The following LTBP1 variants were observed in gnomAD, a reference collection of about 807,000 sequenced individuals.
The protein encoded by LTBP1 is latent-transforming growth factor beta-binding protein 1.
Under a neutral mutation model 207.6 loss-of-function variants are expected in LTBP1, and 129 were observed. The observed-to-expected ratio is 0.62, with a 90% confidence interval of 0.54 to 0.72. The LOEUF is 0.72. LTBP1 is among the 30% of genes least tolerant of loss of function. LTBP1 has a pLI of 0.00. For missense variants in LTBP1, 2,281 were observed against 2,217.2 expected (o/e 1.03, Z -0.58); for synonymous variants, 963 against 833.7 (o/e 1.16, Z -2.67).
At chr2:33,218,583 G>T (rs374138454) in intron 8 of LTBP1, among the ~76,000 whole-genome samples, 1 of 152,142 alleles carries the variant, frequency 6.6e-6, no homozygotes, top group Non-Finnish European at 1.5e-5. Context: ...TTTCAGTAGA[G>T]ATGGGGTTTC....
At chr2:32,977,625 T>C (rs1410336479) in intron 2 of LTBP1, among the ~76,000 whole-genome samples, 1 of 152,152 alleles carries the variant, frequency 6.6e-6, no homozygotes, top group African/African-American at 2.4e-5. Flanking sequence ...AGAAGCATGG[T>C]TGGGTGTGCA....
chr2:33,363,734 TAATATTCACTGTGG>T (rs2094952622), intron 29 of LTBP1, among the ~76,000 whole-genome samples: 1 of 152,182 alleles, frequency 6.6e-6, no homozygotes, highest in Admixed American at 6.5e-5. Flanking sequence ...AACAAAGAGT[TAATATTCACTGTGG>T]AATTATGATT....
At chr2:33,298,754 A>G (rs1423053782) in intron 20 of LTBP1, among the ~76,000 whole-genome samples, 2 of 152,246 alleles carry the variant, frequency 1.3e-5, no homozygotes, top group Non-Finnish European at 2.9e-5. Flanking sequence ...GACCAAGAAC[A>G]CAATTGGTAA....
At chr2:33,038,207 A>G (rs1013176556) in intron 3 of LTBP1, among the ~76,000 whole-genome samples, 5 of 152,214 alleles carry the variant, frequency 3.3e-5, no homozygotes, top group Non-Finnish European at 7.3e-5. Flanking sequence ...GTGGGTTAGG[A>G]ATTCTCACCT....
At chr2:33,212,014 C>T (rs1449595188) in intron 7 of LTBP1, among the ~76,000 whole-genome samples, 1 of 152,126 alleles carries the variant, frequency 6.6e-6, no homozygotes, top group Non-Finnish European at 1.5e-5. Flanking sequence ...CATACATTAC[C>T]CTGCAATCTG....
At chr2:33,172,629 G>A (rs2085574968) in intron 5 of LTBP1, among the ~76,000 whole-genome samples, 1 of 152,156 alleles carries the variant, frequency 6.6e-6, no homozygotes. Flanking sequence ...CCCAGGAATT[G>A]AACTCAGCTC....
chr2:33,064,601 G>C (rs2077417877), intron 3 of LTBP1, among the ~76,000 whole-genome samples: 1 of 152,136 alleles, frequency 6.6e-6, no homozygotes, highest in African/African-American at 2.4e-5. Flanking sequence ...CTTTAAAAGG[G>C]GCTGCTAGCC....
intron 20 of LTBP1, 86 bp from the exon 21 acceptor site, chr2:33,300,365 C>A: frequency 7.3e-7 from 1 of 1,366,776 alleles, no homozygotes; most frequent in Non-Finnish European, 1.0e-6. Context: ...ATTTTTGTTA[C>A]ACTAATCCCA....
intron 25 of LTBP1, among the ~76,000 whole-genome samples, chr2:33,344,379 G>A (rs1262845086): frequency 2.0e-5 from 3 of 152,130 alleles, no homozygotes; most frequent in African/African-American, 4.8e-5. Context: ...TTGTGATGTG[G>A]CCCCTACTTT....
At chr2:33,057,909 ACGG>A (rs959742351) in intron 3 of LTBP1, among the ~76,000 whole-genome samples, 5 of 152,238 alleles carry the variant, frequency 3.3e-5, no homozygotes, top group Non-Finnish European at 7.3e-5. Context: ...CTCCTCAAGC[ACGG>A]CCAGAATGGG....
chr2:33,181,828 G>A (rs1171583321), intron 5 of LTBP1, among the ~76,000 whole-genome samples: 3 of 152,130 alleles, frequency 2.0e-5, no homozygotes, highest in African/African-American at 7.2e-5. Flanking sequence ...TATAGAACTT[G>A]GGAAGCACAG....
intron 19 of LTBP1, chr2:33,291,703 A>G (rs908336804): frequency 6.6e-6 from 1 of 152,236 alleles, no homozygotes; most frequent in African/African-American, 2.4e-5. Flanking sequence ...GGCTCTTCTC[A>G]GTATGTGCAG....
At chr2:33,075,392 A>G (rs1014095138) in intron 3 of LTBP1, among the ~76,000 whole-genome samples, 1 of 152,228 alleles carries the variant, frequency 6.6e-6, no homozygotes, top group Non-Finnish European at 1.5e-5. Context: ...ATTTTGATTT[A>G]TTACTAACTT....
At position 33,398,589 on chromosome 2, in the gene LTBP1, A is replaced by T. The variant is rs1397336006; in HGVS notation, c.*44A>T. 6.5e-7 allele frequency: 1 copy of T among 1,532,508 alleles called. No individual in the cohort carries two copies. 94.9% of individuals were successfully genotyped at this position (1,532,508 alleles called of 1,614,324 possible). A position where few individuals can be genotyped will look rare whatever the true frequency, so the allele number is the denominator to read the frequency against. On this transcript the variant is annotated 3_prime_UTR_variant, in exon 34 of 34. Transcript: ENST00000404816. Reference sequence around the variant, plus strand: ...TAAGCCCATATACTCTGCACTGTGTAAAGGAAAAGGGAGAAATGTATTATA... The same window carrying T: ...TAAGCCCATATACTCTGCACTGTGTTAAGGAAAAGGGAGAAATGTATTATA...
chr2:33,321,625 A>G (rs1205367042), intron 24 of LTBP1, among the ~76,000 whole-genome samples: 3 of 152,194 alleles, frequency 2.0e-5, no homozygotes, highest in Non-Finnish European at 2.9e-5. Context: ...ATAGAACTTT[A>G]TATCTGTCAC....
At position 32,965,973 on chromosome 2, in the gene LTBP1, C is replaced by T. The variant is rs992115951; in HGVS notation, c.565+17028C>T. Among the ~76,000 whole-genome samples, 24 of 152,174 alleles carry T rather than the reference C, an allele frequency of 1.6e-4. 1 individual carries two copies. The highest frequency in any genetic ancestry group is 1.5e-3 in the Admixed American group (23 of 15,278). On this transcript the variant is annotated intron_variant, in intron 2 of 33. Coordinates refer to ENST00000404816, the MANE Select transcript of LTBP1 (RefSeq NM_206943.4). ...GCAACAAATGAGAGTTCCTATTGTT[C>T]CACTTCCTCATCAGCATTTATTGTT...
intron 3 of LTBP1, among the ~76,000 whole-genome samples, chr2:33,104,947 C>T (rs2079972380): frequency 6.6e-6 from 1 of 152,324 alleles, no homozygotes; most frequent in East Asian, 1.9e-4. Context: ...GGCTTGAAAC[C>T]TTCAAGTTGC....
intron 25 of LTBP1, among the ~76,000 whole-genome samples, chr2:33,346,118 C>A (rs957725048): frequency 3.3e-5 from 5 of 152,108 alleles, no homozygotes; most frequent in Non-Finnish European, 5.9e-5. Context: ...AGTGGAACAT[C>A]AACAGAATTT....
chr2:33,129,476 T>C (rs1315241518), intron 4 of LTBP1, among the ~76,000 whole-genome samples: 2 of 152,242 alleles, frequency 1.3e-5, no homozygotes, highest in African/African-American at 2.4e-5. Context: ...ACAGATTTTA[T>C]CTATAAAGTT....
Sources: gnomAD v4.1 joint callset for allele counts (sites outside exome capture counted in the v4.1 genomes callset) on GRCh38, gnomAD v4.1.1 for gene constraint, MANE v1.5 for transcripts, NCBI Gene and HGNC (gene_info 2026-07-23, HGNC 2026-07-21) for gene names.